Variants in BLK observed in about 807,000 individuals in gnomAD.
The protein encoded by BLK is tyrosine-protein kinase Blk.
In BLK, 64 loss-of-function variants were observed where a neutral mutation model predicts 61.8. That is an observed-to-expected ratio of 1.03 (90% CI 0.85 to 1.27). The LOEUF is 1.27. Ranked by LOEUF, BLK falls within the 50% of genes most tolerant of loss-of-function variation. BLK has a pLI of 0.00. For missense variants in BLK, 853 were observed against 660.5 expected (o/e 1.29, Z -3.19); for synonymous variants, 351 against 272.0 (o/e 1.29, Z -2.86).
chr8:11,527,230 CTTT>C (rs1473797133), intron 1 of BLK, among the ~76,000 whole-genome samples: 2 of 152,144 alleles, frequency 1.3e-5, no homozygotes, highest in African/African-American at 4.8e-5. Flanking sequence ...TTGCAATGCT[CTTT>C]TTAAAAGTCA....
intron 1 of BLK, 148 bp downstream of exon 1, chr8:11,494,739 C>T: frequency 6.6e-6 from 1 of 152,348 alleles, no homozygotes; most frequent in African/African-American, 2.4e-5. Context: ...GCTGCCTCAG[C>T]TATGAATAGA....
At position 11,558,017 on chromosome 8, in the gene BLK, G is replaced by C. The variant is rs1487034678; in HGVS notation, c.1008G>C (p.Arg336Ser). 6.2e-7 allele frequency: 1 copy of C among 1,614,108 alleles called. No individual in the cohort carries two copies. The highest frequency in any genetic ancestry group is 8.5e-7 in the Non-Finnish European group (1 of 1,179,964). The change falls in exon 10 of 13, where the codon AGG becomes AGC. Residue 336 changes from arginine to serine, a missense_variant. Transcript: ENST00000259089. ...TDEGSRLSLP[R>S]LIDMSAQIAE... Reference sequence around the variant, plus strand: ...AAGGGAGCAGATTGTCACTCCCAAGGCTGATTGACATGTCGGCGCAGGTTG... The same window carrying C: ...AAGGGAGCAGATTGTCACTCCCAAGCCTGATTGACATGTCGGCGCAGGTTG...
chr8:11,502,888 G>A (rs975657763), intron 1 of BLK, among the ~76,000 whole-genome samples: 1 of 152,202 alleles, frequency 6.6e-6, no homozygotes, highest in Non-Finnish European at 1.5e-5. Flanking sequence ...TGGGCCTGTG[G>A]GCCTGGATGG....
In BLK at chr8:11,538,543, C is replaced by T. The variant is rs775248026; in HGVS notation, c.-1-4681C>T. Among the ~76,000 whole-genome samples, 83 of 152,164 alleles carry T rather than the reference C, an allele frequency of 5.5e-4. 2 individuals carry two copies. The highest frequency in any genetic ancestry group is 5.2e-3 in the Admixed American group (80 of 15,278). ...AATCTTAGGAATTTTACTTTCTGTC[C>T]GGTTCTTTGTTCAATAAATTGAACA... is the stretch of plus-strand genomic sequence containing the variant. On this transcript the variant is annotated intron_variant, in intron 1 of 12. Transcript: ENST00000259089.
At chr8:11,554,916 G>A in intron 7 of BLK, 27 bp downstream of exon 7, 1 of 1,608,310 alleles carries the variant, frequency 6.2e-7, no homozygotes, top group Non-Finnish European at 8.5e-7. Context: ...AATGGGGGCA[G>A]GGACTTGTGC....
At chr8:11,528,059 C>A (rs1179697060) in intron 1 of BLK, among the ~76,000 whole-genome samples, 1 of 152,080 alleles carries the variant, frequency 6.6e-6, no homozygotes, top group Admixed American at 6.5e-5. Flanking sequence ...TTCTTTGAGA[C>A]AGAGTCTCAC....
intron 1 of BLK, among the ~76,000 whole-genome samples, chr8:11,535,316 G>GAA (rs1800087446): frequency 3.3e-5 from 4 of 122,756 alleles, no homozygotes; most frequent in South Asian, 6.4e-4. Context: ...AAGAAAGAAA[G>GAA]AAAGAAAGAG....
In BLK at chr8:11,543,250, C is replaced by T. The variant is rs147022480; in HGVS notation, c.26C>T (p.Pro9Leu). 5.4e-5 allele frequency: 87 copies of T among 1,613,830 alleles called. No homozygotes were observed. In the African/African-American group the frequency reaches 9.4e-4, roughly 17 times the overall value. ...ATGGGGCTGGTAAGTAGCAAAAAGC[C>T]GGACAAGGAAAAGCCGATCAAAGAG... MGLVSSKK[P>L]DKEKPIKEKD... is the part of the protein sequence containing the mutation. Residue 9 changes from proline (P) to leucine (L), a missense_variant, in exon 2 of 13, where the codon CCG becomes CTG. Transcript: ENST00000259089.
intron 2 of BLK, 120 bp from the exon 3 acceptor site, chr8:11,545,932 C>T: frequency 4.7e-6 from 5 of 1,054,744 alleles, no homozygotes; most frequent in South Asian, 1.3e-5. Flanking sequence ...AGGCAGCTGC[C>T]TCTCCTCCTT....
rs74993905 is a variant in BLK at position 11,559,716 on chromosome 8, G to A, written c.1030-1586G>A. The A allele has an allele frequency of 1.1e-3, 490 of 455,548 alleles. 5 individuals carry two copies. In the East Asian group the frequency reaches 0.017, roughly 16 times the overall value. The allele number at this position is 455,548 out of a possible 1,614,324, so 28.2% of individuals were successfully genotyped here. ...CCCCACTTTGCAGCCAGATGCCACC[G>A]GTTCCCATGCCCCATGCCTCGCCAC... On this transcript the variant is annotated intron_variant, in intron 10 of 12. Transcript: ENST00000259089.
intron 1 of BLK, among the ~76,000 whole-genome samples, chr8:11,496,178 A>G (rs1798352106): frequency 6.6e-6 from 1 of 152,024 alleles, no homozygotes; most frequent in Non-Finnish European, 1.5e-5. Context: ...AGTATTTCTC[A>G]TGGATGATTA....
chr8:11,550,436 C>A (rs1421376347), intron 6 of BLK, among the ~76,000 whole-genome samples, 174 bp downstream of exon 6: 1 of 152,216 alleles, frequency 6.6e-6, no homozygotes, highest in Non-Finnish European at 1.5e-5. Context: ...GGGGGCTGTC[C>A]ACACAGTCCT....
intron 10 of BLK, chr8:11,560,948 C>A (rs1279536018): frequency 2.0e-6 from 1 of 491,162 alleles, no homozygotes; most frequent in South Asian, 1.5e-5. Context: ...GCTCCCCCTC[C>A]CCCTCCTTCC....
chr8:11,523,509 C>T (rs571128556), intron 1 of BLK, among the ~76,000 whole-genome samples: 17 of 152,134 alleles, frequency 1.1e-4, no homozygotes, highest in African/African-American at 3.4e-4. Flanking sequence ...GCTGCGATGG[C>T]GCCACTATAC....
intron 10 of BLK, 159 bp from the exon 11 acceptor site, chr8:11,561,143 G>A: frequency 2.8e-6 from 3 of 1,086,912 alleles, no homozygotes; most frequent in African/African-American, 3.1e-5. Flanking sequence ...TAGGAGAGGA[G>A]TTTATTCGGC....
chr8:11,556,929 GC>G lies in BLK; in HGVS notation c.952+94del, dbSNP rs573096236. On this transcript the variant is annotated intron_variant, in intron 9 of 12. Transcript: ENST00000259089. ...GGGTCCGCTGCGGTGGGTTCACCAGGCCAGGGGGTCCTGCAGATCTAGGGCA... is the reference window on the plus strand; with the variant it reads ...GGGTCCGCTGCGGTGGGTTCACCAGGCAGGGGGTCCTGCAGATCTAGGGCA... The G allele has an allele frequency of 1.1e-3, 1,659 of 1,449,322 alleles. 32 individuals are homozygous for G. The South Asian group carries it at 0.02, about 17-fold the overall frequency. 89.8% of individuals were successfully genotyped at this position (1,449,322 alleles called of 1,614,324 possible).
At position 11,505,483 on chromosome 8, in the gene BLK, G is replaced by A. The variant is rs80235364; in HGVS notation, c.-2+10892G>A. On this transcript the variant is annotated intron_variant, in intron 1 of 12. Transcript: ENST00000259089. ...GGGCCAACTGTAGCCTCTGGCCGGT[G>A]TCCCTGAGTGAGGGCAAAGTTGTAA... 7.6e-3 allele frequency among the ~76,000 whole-genome samples: 1,163 copies of A among 152,286 alleles called. 18 individuals are homozygous for A. Among genetic ancestry groups the A allele is most frequent in the African/African-American group, 0.027 (1,110 of 41,552 alleles).
intron 1 of BLK, among the ~76,000 whole-genome samples, chr8:11,510,106 A>T (rs1798938805): frequency 6.6e-6 from 1 of 152,232 alleles, no homozygotes; most frequent in African/African-American, 2.4e-5. Flanking sequence ...GAAAAAATAA[A>T]TGCAGCTTGC....
At chr8:11,546,729 C>G (rs1800662534) in intron 3 of BLK, among the ~76,000 whole-genome samples, 1 of 152,224 alleles carries the variant, frequency 6.6e-6, no homozygotes, top group Non-Finnish European at 1.5e-5. Flanking sequence ...GTGCACACAA[C>G]CACACCGGGC....
Sources: allele counts gnomAD v4.1 joint callset (sites outside exome capture counted in the v4.1 genomes callset), GRCh38; gene constraint gnomAD v4.1.1; transcripts MANE v1.5; gene names NCBI Gene and HGNC (gene_info 2026-07-23, HGNC 2026-07-21).